Variants in PCDH9 observed in about 807,000 individuals in gnomAD.
PCDH9 encodes protocadherin 9, also known as protocadherin-9.
Under a neutral mutation model 70.6 loss-of-function variants are expected in PCDH9, and 24 were observed. That is an observed-to-expected ratio of 0.34 (90% confidence interval 0.25 to 0.48). The LOEUF (loss-of-function observed/expected upper bound fraction) is 0.48. Ranked by LOEUF, PCDH9 falls within the 20% of genes least tolerant of loss-of-function variation. The pLI, the probability that PCDH9 is intolerant of heterozygous loss-of-function variation, is 0.99. For missense variants in PCDH9, 1,281 were observed against 1,503.6 expected (o/e 0.85, Z 2.45); for synonymous variants, 562 against 558.5 (o/e 1.01, Z -0.09).
chr13:66,409,148 T>C (rs1320455502), intron 4 of PCDH9, among the ~76,000 whole-genome samples: 1 of 151,976 alleles, frequency 6.6e-6, no homozygotes, highest in Non-Finnish European at 1.5e-5. Flanking sequence ...CCATACAGAC[T>C]TTGAGAAATG....
chr13:67,008,489 C>G (rs1181682994), intron 2 of PCDH9, among the ~76,000 whole-genome samples: 3 of 152,094 alleles, frequency 2.0e-5, no homozygotes, highest in African/African-American at 4.8e-5. Context: ...GCAACAAATT[C>G]CAGTCCTCTT....
chr13:67,004,939 G>A (rs1259252995), intron 2 of PCDH9, among the ~76,000 whole-genome samples: 1 of 152,050 alleles, frequency 6.6e-6, no homozygotes, highest in Non-Finnish European at 1.5e-5. Flanking sequence ...GAAGAAAGGG[G>A]ACTATTTTGA....
chr13:66,569,883 C>G (rs188126083), intron 4 of PCDH9, among the ~76,000 whole-genome samples: 2 of 152,032 alleles, frequency 1.3e-5, no homozygotes, highest in African/African-American at 2.4e-5. Flanking sequence ...CTGCAATTGT[C>G]GTATGATTCC....
intron 2 of PCDH9, among the ~76,000 whole-genome samples, chr13:67,011,254 C>A (rs1183105296): frequency 6.6e-6 from 1 of 151,778 alleles, no homozygotes; most frequent in East Asian, 1.9e-4. Context: ...CATCAGGAAA[C>A]AGAAAAATAT....
At chr13:66,404,395 A>T (rs555754878) in intron 4 of PCDH9, among the ~76,000 whole-genome samples, 1 of 152,314 alleles carries the variant, frequency 6.6e-6, no homozygotes, top group African/African-American at 2.4e-5. Flanking sequence ...AATTTCTGAA[A>T]GGTAGGAACA....
At chr13:66,436,961 C>T (rs138124976) in intron 4 of PCDH9, among the ~76,000 whole-genome samples, 5 of 151,364 alleles carry the variant, frequency 3.3e-5, no homozygotes, top group African/African-American at 1.2e-4. Flanking sequence ...CAAGGTCAGC[C>T]GAGCAGACAT....
chr13:66,730,876 G>GTTTTTTTTTTTTTT lies in PCDH9; in HGVS notation c.3139-99466_3139-99465insAAAAAAAAAAAAAA, dbSNP rs758928616. Among the ~76,000 whole-genome samples, 17 of 46,340 alleles carry GTTTTTTTTTTTTTT rather than the reference G, an allele frequency of 3.7e-4. 2 individuals are homozygous for GTTTTTTTTTTTTTT. Among genetic ancestry groups the GTTTTTTTTTTTTTT allele is most frequent in the African/African-American group, 9.8e-4 (13 of 13,272 alleles). The allele number at this position is 46,340 out of a possible 152,430, so 30.4% of individuals were successfully genotyped here. A position where few individuals can be genotyped will look rare whatever the true frequency, so the allele number is the denominator to read the frequency against. On this transcript the variant is annotated intron_variant, in intron 3 of 4. Coordinates refer to ENST00000377865, the MANE Select transcript of PCDH9 (RefSeq NM_203487.3). ...TGTTTTTGTTTTTTTGTGTGTGTGT[G>GTTTTTTTTTTTTTT]TTTTTTTTTTGTTTGTTTCTTTTTT... is the stretch of plus-strand genomic sequence containing the variant.
intron 4 of PCDH9, among the ~76,000 whole-genome samples, chr13:66,409,718 G>T (rs947846317): frequency 6.6e-6 from 1 of 152,152 alleles, no homozygotes; most frequent in Non-Finnish European, 1.5e-5. Flanking sequence ...ATATATTCAA[G>T]ATCACCTCAT....
intron 4 of PCDH9, among the ~76,000 whole-genome samples, chr13:66,498,773 T>C (rs953717151): frequency 6.6e-6 from 1 of 152,138 alleles, no homozygotes; most frequent in African/African-American, 2.4e-5. Context: ...GCGTAATACC[T>C]AAAGGACAGA....
intron 2 of PCDH9, among the ~76,000 whole-genome samples, chr13:66,958,976 C>T (rs1273183025): frequency 2.6e-5 from 4 of 152,172 alleles, no homozygotes; most frequent in Non-Finnish European, 4.4e-5. Context: ...CTAAACTCAA[C>T]CTTTAGCTTT....
chr13:67,142,457 T>C (rs2087417850), intron 2 of PCDH9, among the ~76,000 whole-genome samples: 1 of 152,208 alleles, frequency 6.6e-6, no homozygotes, highest in East Asian at 1.9e-4. Context: ...GTTTTAATGG[T>C]TCATACCTGA....
intron 4 of PCDH9, among the ~76,000 whole-genome samples, chr13:66,426,323 A>T (rs543253521): frequency 4.3e-4 from 66 of 151,776 alleles, no homozygotes; most frequent in African/African-American, 1.5e-3. Flanking sequence ...TCCTTTTTCA[A>T]CCAAAGAATA....
intron 2 of PCDH9, among the ~76,000 whole-genome samples, chr13:67,121,290 C>T (rs913823664): frequency 5.3e-5 from 8 of 152,274 alleles, no homozygotes; most frequent in Middle Eastern, 3.4e-3. Context: ...TATCCTTGCT[C>T]GTAGAAGATC....
chr13:66,584,723 C>A (rs981350526), intron 4 of PCDH9, among the ~76,000 whole-genome samples: 1 of 152,046 alleles, frequency 6.6e-6, no homozygotes, highest in Non-Finnish European at 1.5e-5. Context: ...ATTTATTTAA[C>A]TCCAAATATA....
At chr13:66,437,957 G>T (rs1373895958) in intron 4 of PCDH9, among the ~76,000 whole-genome samples, 1 of 152,170 alleles carries the variant, frequency 6.6e-6, no homozygotes, top group Non-Finnish European at 1.5e-5. Flanking sequence ...CTTAGGGCTG[G>T]GCGCGGTGGC....
chr13:66,428,046 T>C (rs898376808), intron 4 of PCDH9, among the ~76,000 whole-genome samples: 51 of 151,744 alleles, frequency 3.4e-4, no homozygotes, highest in Non-Finnish European at 3.0e-5. Context: ...GAAAAATATG[T>C]TATTGAAAGA....
chr13:66,472,133 AC>A (rs1410757672), intron 4 of PCDH9, among the ~76,000 whole-genome samples: 1 of 147,746 alleles, frequency 6.8e-6, no homozygotes, highest in Non-Finnish European at 1.5e-5. Context: ...AATCGCTTGA[AC>A]CTGGCAGGCA....
At chr13:67,109,703 T>C (rs931875731) in intron 2 of PCDH9, among the ~76,000 whole-genome samples, 1 of 152,228 alleles carries the variant, frequency 6.6e-6, no homozygotes, top group African/African-American at 2.4e-5. Flanking sequence ...CAAGCTATTT[T>C]AGAAATAGTA....
At position 66,311,609 on chromosome 13, in the gene PCDH9, C is replaced by G. The variant is rs554684013; in HGVS notation, c.3341-6581G>C. On this transcript the variant is annotated intron_variant, in intron 4 of 4. Coordinates refer to ENST00000377865, the MANE Select transcript of PCDH9 (RefSeq NM_203487.3). ...TAAAATCCATTAATTTGCCTCAAAT[C>G]TAAACATGGTAAAATTAATTTCAAA... 6.6e-5 allele frequency among the ~76,000 whole-genome samples: 10 copies of G among 152,166 alleles called. No homozygotes were observed. The East Asian group carries it at 1.9e-3, about 29-fold the overall frequency.
Sources: allele counts gnomAD v4.1 joint callset (sites outside exome capture counted in the v4.1 genomes callset), GRCh38; gene constraint gnomAD v4.1.1; transcripts MANE v1.5; gene names NCBI Gene and HGNC (gene_info 2026-07-23, HGNC 2026-07-21).